WDR70: variants seen among roughly 807,000 people sequenced by gnomAD.
WDR70 encodes WD repeat-containing protein 70.
In WDR70, 53 loss-of-function variants were observed where a neutral mutation model predicts 88.6. That is an observed-to-expected ratio of 0.60 (90% CI 0.48 to 0.75). WDR70 has a LOEUF of 0.75. Ranked by LOEUF, WDR70 falls within the 30% of genes least tolerant of loss-of-function variation. WDR70 has a pLI of 0.00. For synonymous variants in WDR70, 280 were observed against 270.0 expected, an observed-to-expected ratio of 1.04 and a Z score of -0.36; for missense variants, 610 against 823.2, an observed-to-expected ratio of 0.74 and a Z score of 3.17.
rs1159705772 is a variant in WDR70 at position 37,539,906 on chromosome 5, C to T, written c.917+23316C>T. ...GAAGTCCCAAAATTCTGTCTTTTAG[C>T]GATCACATTAAATGGAAGGCAGATT... On this transcript the variant is annotated intron_variant, in intron 9 of 17. Transcript: ENST00000265107. 3.3e-5 allele frequency among the ~76,000 whole-genome samples: 5 copies of T among 152,268 alleles called. No homozygotes were observed. The East Asian group carries it at 7.7e-4, about 23-fold the overall frequency.
Position 37,727,007 on chromosome 5 carries a change from A to G in WDR70, c.1839A>G (p.Ala613=). 9 of 1,611,110 alleles carry G rather than the reference A, an allele frequency of 5.6e-6. No individual in the cohort carries two copies. The highest frequency in any genetic ancestry group is 7.6e-6 in the Non-Finnish European group (9 of 1,178,732). The change falls in exon 17 of 18, where the codon GCA becomes GCG. Residue 613 remains alanine (A), a synonymous_variant. Coordinates refer to ENST00000265107, the MANE Select transcript of WDR70 (RefSeq NM_018034.4). ...REAILRHAKA[A]EDSPYWVSPA... ...CCATTTTGCGTCATGCCAAAGCAGC[A>G]GAAGACAGCCCATATTGGGTTTCTC...
At chr5:37,413,193 A>G (rs1269430767) in intron 5 of WDR70, among the ~76,000 whole-genome samples, 1 of 152,146 alleles carries the variant, frequency 6.6e-6, no homozygotes, top group African/African-American at 2.4e-5. Flanking sequence ...ATGTGTGAAA[A>G]TGGGCACTAG....
chr5:37,620,618 T>A (rs79037110), intron 10 of WDR70, among the ~76,000 whole-genome samples: 271 of 151,164 alleles, frequency 1.8e-3, no homozygotes, highest in Non-Finnish European at 3.1e-3. Context: ...GTGCACTCCA[T>A]TTTTTTTTGT....
At chr5:37,479,502 T>C in intron 7 of WDR70, 1 of 172,242 alleles carries the variant, frequency 5.8e-6, no homozygotes. Context: ...CCCAAGTAGC[T>C]GAGATTACAG....
chr5:37,396,244 C>A, intron 4 of WDR70, 131 bp from the exon 5 acceptor site: 2 of 1,289,252 alleles, frequency 1.6e-6, no homozygotes, highest in Non-Finnish European at 1.0e-6. Context: ...GTTTGAACTA[C>A]AAATTTAAAA....
intron 10 of WDR70, among the ~76,000 whole-genome samples, chr5:37,639,118 A>G (rs1745043500): frequency 6.6e-6 from 1 of 152,208 alleles, no homozygotes; most frequent in Non-Finnish European, 1.5e-5. Context: ...GAACAGTAGC[A>G]TCATTGTGTC....
chr5:37,693,877 T>A, intron 10 of WDR70, among the ~76,000 whole-genome samples: 1 of 152,138 alleles, frequency 6.6e-6, no homozygotes, highest in Non-Finnish European at 1.5e-5. Context: ...ACTAAAGAGC[T>A]TCTGCACAGC....
intron 10 of WDR70, among the ~76,000 whole-genome samples, chr5:37,624,538 T>C (rs944162033): frequency 1.3e-5 from 2 of 152,206 alleles, no homozygotes; most frequent in Non-Finnish European, 2.9e-5. Context: ...TGATTTTCTT[T>C]CCTTTGGATA....
chr5:37,735,421 C>T (rs1748277769), intron 17 of WDR70, among the ~76,000 whole-genome samples: 1 of 152,100 alleles, frequency 6.6e-6, no homozygotes, highest in African/African-American at 2.4e-5. Context: ...TAGAGATCTG[C>T]AATTAACAAT....
chr5:37,703,005 A>G lies in WDR70; in HGVS notation c.1334A>G (p.Gln445Arg). 6.2e-7 allele frequency: 1 copy of G among 1,613,946 alleles called. No individual in the cohort carries two copies. The highest frequency in any genetic ancestry group is 8.5e-7 in the Non-Finnish European group (1 of 1,179,848). Residue 445 changes from glutamine (Q) to arginine (R), a missense_variant, in exon 13 of 18, where the codon CAA (glutamine) becomes CGA (arginine). Coordinates refer to ENST00000265107, the MANE Select transcript of WDR70 (RefSeq NM_018034.4). ...CTCATAGTCACTGGTACATCTATTCAAAGAGGATGTGGCAGCGGCAAACTT... is the reference window on the plus strand; with the variant it reads ...CTCATAGTCACTGGTACATCTATTCGAAGAGGATGTGGCAGCGGCAAACTT... ...DKLIVTGTSIQRGCGSGKLVF... is the reference protein window; with the variant it reads ...DKLIVTGTSIRRGCGSGKLVF...
At chr5:37,607,378 A>T (rs1744062183) in intron 10 of WDR70, among the ~76,000 whole-genome samples, 1 of 152,186 alleles carries the variant, frequency 6.6e-6, no homozygotes, top group Non-Finnish European at 1.5e-5. Flanking sequence ...ATGATGGATA[A>T]TGGTTAATCT....
At chr5:37,724,841 C>T in intron 15 of WDR70, 93 bp from the exon 16 acceptor site, 1 of 1,172,702 alleles carries the variant, frequency 8.5e-7, no homozygotes, top group Non-Finnish European at 1.3e-6. Context: ...ATTATGACTT[C>T]CATTTCATCT....
At position 37,679,391 on chromosome 5, in the gene WDR70, G is replaced by A. The variant is rs1347057325; in HGVS notation, c.1093-18264G>A. On this transcript the variant is annotated intron_variant, in intron 10 of 17. Coordinates refer to ENST00000265107, the MANE Select transcript of WDR70 (RefSeq NM_018034.4). Reference sequence around the variant, plus strand: ...TCTACTTTTGGTCTTTGATGATGGTGATGTACAGATGGGTTTTGGTGTGGA... The same window carrying A: ...TCTACTTTTGGTCTTTGATGATGGTAATGTACAGATGGGTTTTGGTGTGGA... Among the ~76,000 whole-genome samples, 10 of 20,490 alleles carry A rather than the reference G, an allele frequency of 4.9e-4. No homozygotes were observed. The South Asian group carries it at 0.024, about 50-fold the overall frequency. 13.4% of individuals were successfully genotyped at this position (20,490 alleles called of 152,430 possible).
chr5:37,647,481 A>G (rs2112553285), intron 10 of WDR70, among the ~76,000 whole-genome samples: 1 of 152,146 alleles, frequency 6.6e-6, no homozygotes, highest in East Asian at 1.9e-4. Flanking sequence ...GTAGTCTTGT[A>G]GTTTTGGCTT....
At chr5:37,401,456 C>T (rs755896488) in intron 5 of WDR70, among the ~76,000 whole-genome samples, 39 of 151,874 alleles carry the variant, frequency 2.6e-4, no homozygotes, top group Non-Finnish European at 4.4e-4. Flanking sequence ...GCTGGAATTA[C>T]AGGCACGCGC....
rs185397476 is a variant in WDR70 at position 37,612,864 on chromosome 5, C to T, written c.1092+7626C>T. ...CTTTTTACAAATATTCAACAGAACA[C>T]GTGACATATGAACTATTCTATAGTG... On this transcript the variant is annotated intron_variant, in intron 10 of 17. Coordinates refer to ENST00000265107, the MANE Select transcript of WDR70 (RefSeq NM_018034.4). Among the ~76,000 whole-genome samples, 26 of 152,228 alleles carry T rather than the reference C, an allele frequency of 1.7e-4. 1 individual carries two copies. Among genetic ancestry groups the T allele is most frequent in the Admixed American group, 1.3e-3 (20 of 15,296 alleles).
chr5:37,387,575 A>G (rs967586759), intron 3 of WDR70, among the ~76,000 whole-genome samples: 4 of 152,148 alleles, frequency 2.6e-5, no homozygotes, highest in African/African-American at 9.7e-5. Context: ...TAGCTTTAGC[A>G]TGTAAATAGA....
intron 5 of WDR70, among the ~76,000 whole-genome samples, chr5:37,410,409 C>G (rs913339717): frequency 1.3e-5 from 2 of 151,934 alleles, no homozygotes; most frequent in African/African-American, 4.8e-5. Flanking sequence ...CCAGTTTCTG[C>G]TTGTTAAAAT....
intron 10 of WDR70, chr5:37,687,777 T>C (rs1746655629): frequency 2.3e-6 from 1 of 425,874 alleles, no homozygotes; most frequent in Non-Finnish European, 4.2e-6. Context: ...CAGATTACTT[T>C]TTCTTTACTT....
Sources: allele counts gnomAD v4.1 joint callset (sites outside exome capture counted in the v4.1 genomes callset), GRCh38; gene constraint gnomAD v4.1.1; transcripts MANE v1.5; gene names NCBI Gene and HGNC (gene_info 2026-07-23, HGNC 2026-07-21).